Variants in SIL1 observed in about 807,000 individuals in gnomAD.
SIL1 encodes the protein SIL1 nucleotide exchange factor.
Under a neutral mutation model 49.1 loss-of-function variants are expected in SIL1, and 40 were observed. That is an observed-to-expected ratio of 0.81 (90% CI 0.63 to 1.06). SIL1 has a LOEUF of 1.06. Ranked by LOEUF, SIL1 falls within the 50% of genes least tolerant of loss-of-function variation. The pLI is 0.00. For synonymous variants in SIL1, 253 were observed against 250.8 expected (o/e 1.01, Z -0.08); for missense variants, 500 against 572.6 (o/e 0.87, Z 1.29).
intron 3 of SIL1, among the ~76,000 whole-genome samples, chr5:139,078,716 T>G (rs1357996168): frequency 1.3e-5 from 2 of 152,250 alleles, no homozygotes; most frequent in African/African-American, 4.8e-5. Flanking sequence ...TTATTGCCAG[T>G]GGCTTTAGCT....
chr5:139,164,326 A>G (rs750721659), intron 1 of SIL1, among the ~76,000 whole-genome samples: 4 of 151,978 alleles, frequency 2.6e-5, no homozygotes, highest in African/African-American at 7.2e-5. Flanking sequence ...GAGGGAAGAG[A>G]AAAAACAGTT....
intron 1 of SIL1, among the ~76,000 whole-genome samples, chr5:139,157,029 G>A (rs1392574444): frequency 2.0e-5 from 3 of 152,150 alleles, no homozygotes; most frequent in Non-Finnish European, 4.4e-5. Flanking sequence ...TCCACTATCT[G>A]ATGGGTGACC....
Position 138,947,362 on chromosome 5 carries a change from T to A in SIL1, c.1141A>T (p.Ile381Phe). ...PGLWEQGWCE[I>F]TAHLLALPEH... Reference sequence around the variant, plus strand: ...GGCAGCGCCAGGAGGTGGGCCGTGATCTCGCACCAGCCCTGTTCCCACAGG... The same window carrying A: ...GGCAGCGCCAGGAGGTGGGCCGTGAACTCGCACCAGCCCTGTTCCCACAGG... Residue 381 changes from isoleucine (I) to phenylalanine (F), a missense_variant, in exon 10 of 10, where the codon ATC (isoleucine) becomes TTC (phenylalanine). By Grantham distance (21) the Ile-to-Phe change is conservative. Coordinates refer to ENST00000394817, the MANE Select transcript of SIL1 (RefSeq NM_022464.5). The surrounding 1 kb of genome is among the most constrained non-coding windows in gnomAD (Gnocchi z 4.1). 2 of 1,613,650 alleles carry A rather than the reference T, an allele frequency of 1.2e-6. No homozygotes were observed. The highest frequency in any genetic ancestry group is 1.7e-6 in the Non-Finnish European group (2 of 1,180,022).
At chr5:139,110,949 C>G (rs1435993716) in intron 3 of SIL1, among the ~76,000 whole-genome samples, 1 of 152,220 alleles carries the variant, frequency 6.6e-6, no homozygotes, top group Non-Finnish European at 1.5e-5. Context: ...GCCTATCATT[C>G]CTCAGACTCC....
chr5:139,159,255 C>T (rs1226787965), intron 1 of SIL1, among the ~76,000 whole-genome samples: 1 of 152,152 alleles, frequency 6.6e-6, no homozygotes, highest in Non-Finnish European at 1.5e-5. Context: ...GGAAGAAAGG[C>T]CAGCAGGATG....
intron 3 of SIL1, 166 bp from the exon 4 acceptor site, chr5:139,051,212 C>A: frequency 4.5e-6 from 3 of 667,420 alleles, no homozygotes; most frequent in Non-Finnish European, 8.2e-6. Context: ...ACACACCACT[C>A]GCATAAACTC....
At position 139,121,132 on chromosome 5, in the gene SIL1, T is replaced by C; in HGVS notation, c.147A>G (p.Lys49=). Residue 49 remains lysine, a synonymous_variant, in exon 3 of 10, where the codon AAA becomes AAG. Transcript: ENST00000394817. ...ALTNPEKSST[K]ETERKETKAE... ...CTTTGGTTTCTTTTCTCTCTGTTTC[T>C]TTGGTGCTGCTCTTCTCTGGGTTGG... 1 of 1,614,198 alleles carries C rather than the reference T, an allele frequency of 6.2e-7. No homozygotes were observed. The highest frequency in any genetic ancestry group is 8.5e-7 in the Non-Finnish European group (1 of 1,180,022).
At chr5:139,097,679 T>C (rs1318143569) in intron 3 of SIL1, among the ~76,000 whole-genome samples, 1 of 152,024 alleles carries the variant, frequency 6.6e-6, no homozygotes, top group Non-Finnish European at 1.5e-5. Context: ...GGTTTCACCA[T>C]ATTGGCCAGG....
intron 7 of SIL1, among the ~76,000 whole-genome samples, chr5:138,974,669 GC>G (rs1293170656): frequency 9.8e-5 from 15 of 152,306 alleles, no homozygotes; most frequent in African/African-American, 2.9e-4. Flanking sequence ...GAGGGAAGGA[GC>G]CCCTGTTTCC....
chr5:139,048,376 T>G (rs1265222861), intron 4 of SIL1, among the ~76,000 whole-genome samples: 1 of 137,844 alleles, frequency 7.3e-6, no homozygotes, highest in Non-Finnish European at 1.6e-5. Flanking sequence ...TTGGTTTTTT[T>G]TTTTTTTTTT....
At chr5:139,050,450 G>A (rs535130175) in intron 4 of SIL1, among the ~76,000 whole-genome samples, 2 of 152,336 alleles carry the variant, frequency 1.3e-5, no homozygotes, top group East Asian at 1.9e-4. Context: ...AGCCAGTGGA[G>A]AATGGCAGTA....
chr5:139,028,492 C>T (rs1232377114), intron 5 of SIL1, among the ~76,000 whole-genome samples: 1 of 140,206 alleles, frequency 7.1e-6, no homozygotes, highest in Non-Finnish European at 1.5e-5. Context: ...AGCGAGACTC[C>T]ATCACAAAAC....
At chr5:139,068,655 GAAA>G (rs745799045) in intron 3 of SIL1, among the ~76,000 whole-genome samples, 3 of 64,828 alleles carry the variant, frequency 4.6e-5, no homozygotes, top group South Asian at 7.3e-4. Flanking sequence ...GAATGAAAAG[GAAA>G]AAAAAAAAAA....
chr5:138,988,428 C>G (rs1767687320), intron 7 of SIL1, among the ~76,000 whole-genome samples: 1 of 152,174 alleles, frequency 6.6e-6, no homozygotes, highest in African/African-American at 2.4e-5. Context: ...GTCATATTGG[C>G]TCTAAAAAAC....
intron 7 of SIL1, among the ~76,000 whole-genome samples, chr5:139,019,175 T>A (rs1167650327): frequency 6.6e-6 from 1 of 152,198 alleles, no homozygotes; most frequent in African/African-American, 2.4e-5. Context: ...TGTTGTGTAT[T>A]TGTGCACATG....
chr5:139,072,581 A>C (rs1379215936), intron 3 of SIL1, among the ~76,000 whole-genome samples: 3 of 152,206 alleles, frequency 2.0e-5, no homozygotes, highest in African/African-American at 4.8e-5. Flanking sequence ...TGAAGACTTA[A>C]ATATAAGACC....
chr5:139,092,370 A>G (rs1018226200), intron 3 of SIL1, among the ~76,000 whole-genome samples: 2 of 152,206 alleles, frequency 1.3e-5, no homozygotes, highest in Non-Finnish European at 1.5e-5. Context: ...TTCCTTTTAT[A>G]TAAGTCTATT....
chr5:138,993,310 G>A (rs558650898), intron 7 of SIL1, among the ~76,000 whole-genome samples: 1 of 152,238 alleles, frequency 6.6e-6, no homozygotes, highest in African/African-American at 2.4e-5. Context: ...TGACTCGAAG[G>A]AACTCAAGAC....
intron 1 of SIL1, among the ~76,000 whole-genome samples, chr5:139,194,481 G>A (rs183739886): frequency 1.3e-5 from 2 of 152,170 alleles, no homozygotes; most frequent in Non-Finnish European, 2.9e-5. Flanking sequence ...TTTAGTCTAC[G>A]TATAATTAAA....
Sources: allele counts gnomAD v4.1 joint callset (sites outside exome capture counted in the v4.1 genomes callset), GRCh38; gene constraint gnomAD v4.1.1; non-coding constraint Gnocchi (gnomAD v3.1); transcripts MANE v1.5; gene names NCBI Gene and HGNC (gene_info 2026-07-23, HGNC 2026-07-21).